Variants in ABCA1 observed in about 807,000 individuals in gnomAD.
ABCA1 encodes the protein ATP binding cassette subfamily A member 1.
A neutral mutation model predicts 262.5 loss-of-function variants in ABCA1; 133 were observed. That is an observed-to-expected ratio of 0.51 (90% CI 0.44 to 0.59). ABCA1 has a LOEUF of 0.59. Among genes scored for constraint, ABCA1 ranks in the 20% least tolerant of loss-of-function variants. The pLI is 0.00. For synonymous variants in ABCA1, 1,022 were observed against 1,043.5 expected (o/e 0.98, Z 0.40); for missense variants, 2,452 against 2,777.5 (o/e 0.88, Z 2.63).
chr9:104,805,586 C>G (rs1280772056), intron 31 of ABCA1, among the ~76,000 whole-genome samples: 1 of 152,164 alleles, frequency 6.6e-6, no homozygotes, highest in African/African-American at 2.4e-5. Flanking sequence ...TTGACAAGAT[C>G]CACAGGAGTT....
chr9:104,856,127 T>A (rs1410043504), intron 7 of ABCA1: 2 of 1,552,346 alleles, frequency 1.3e-6, no homozygotes, highest in Non-Finnish European at 1.7e-6. Flanking sequence ...CAAGCAGCAA[T>A]AGAAAAAGGC....
intron 1 of ABCA1, among the ~76,000 whole-genome samples, chr9:104,912,475 A>G (rs1841557807): frequency 6.6e-6 from 1 of 152,228 alleles, no homozygotes; most frequent in Non-Finnish European, 1.5e-5. Flanking sequence ...TACTTGGACA[A>G]CCAAAGATCC....
intron 25 of ABCA1, among the ~76,000 whole-genome samples, 167 bp from the exon 26 acceptor site, chr9:104,814,642 G>A (rs193125748): frequency 1.3e-5 from 2 of 152,308 alleles, no homozygotes; most frequent in Admixed American, 6.5e-5. Flanking sequence ...GAGAGAAGCC[G>A]TTTTTGCCAG....
At chr9:104,917,076 G>A (rs935719084) in intron 1 of ABCA1, among the ~76,000 whole-genome samples, 19 of 152,142 alleles carry the variant, frequency 1.2e-4, no homozygotes, top group Non-Finnish European at 1.5e-5. Context: ...TGAGAGAACA[G>A]GGGAAGCATT....
intron 8 of ABCA1, among the ~76,000 whole-genome samples, chr9:104,841,754 G>GA (rs1484500446): frequency 6.6e-6 from 1 of 152,218 alleles, no homozygotes; most frequent in Non-Finnish European, 1.5e-5. Context: ...GCGTGAGTCA[G>GA]AAACCCTAGG....
intron 36 of ABCA1, 40 bp downstream of exon 36, chr9:104,799,779 C>T: frequency 6.2e-7 from 1 of 1,614,116 alleles, no homozygotes; most frequent in Non-Finnish European, 8.5e-7. Context: ...TAACCCTCTC[C>T]CTTGCCCCAC....
intron 1 of ABCA1, among the ~76,000 whole-genome samples, chr9:104,919,412 C>A (rs12000590): frequency 0.049 from 7,494 of 152,148 alleles, 247 homozygotes; most frequent in African/African-American, 0.098. Flanking sequence ...GAGTTAAAGA[C>A]CAGCCTAGCC....
intron 1 of ABCA1, among the ~76,000 whole-genome samples, chr9:104,915,371 C>G (rs1841779712): frequency 6.6e-6 from 1 of 152,166 alleles, no homozygotes; most frequent in Admixed American, 6.5e-5. Context: ...AAGTCTTGCC[C>G]TCCAAAACTT....
At chr9:104,921,311 A>AC (rs1842129166) in intron 1 of ABCA1, among the ~76,000 whole-genome samples, 1 of 151,990 alleles carries the variant, frequency 6.6e-6, no homozygotes, top group African/African-American at 2.4e-5. Flanking sequence ...TTAAACAAAC[A>AC]CCCCCCAAGA....
chr9:104,896,972 C>T (rs1329313910), intron 2 of ABCA1, among the ~76,000 whole-genome samples: 1 of 151,596 alleles, frequency 6.6e-6, no homozygotes, highest in Admixed American at 6.6e-5. Flanking sequence ...TCAAGCAATC[C>T]CCCCACCTCA....
At chr9:104,836,049 C>A (rs1385698683) in intron 11 of ABCA1, among the ~76,000 whole-genome samples, 1 of 152,188 alleles carries the variant, frequency 6.6e-6, no homozygotes, top group African/African-American at 2.4e-5. Context: ...AGAGAAGAGA[C>A]CCCACTTTAA....
intron 5 of ABCA1, among the ~76,000 whole-genome samples, chr9:104,880,411 G>A (rs759977725): frequency 3.3e-5 from 5 of 151,846 alleles, no homozygotes; most frequent in Non-Finnish European, 5.9e-5. Flanking sequence ...AAGGCAGGAG[G>A]ATCACTTGAG....
At chr9:104,798,936 T>C (rs1447073489) in intron 36 of ABCA1, among the ~76,000 whole-genome samples, 1 of 152,138 alleles carries the variant, frequency 6.6e-6, no homozygotes, top group African/African-American at 2.4e-5. Flanking sequence ...AGTTGTAAAT[T>C]TTCACACACA....
At position 104,830,943 on chromosome 9, in the gene ABCA1, G is replaced by T; in HGVS notation, c.1874C>A (p.Pro625His). ...AACTTACATGTCATCAACGTAACAG[G>T]GATAGGGCATCTGTTGCATATAGAC... ...TGVYMQQMPYPCYVDDIFLRV... is the reference protein window; with the variant it reads ...TGVYMQQMPYHCYVDDIFLRV... Residue 625 changes from proline to histidine, a missense_variant, in exon 14 of 50, where the codon CCC becomes CAC. Coordinates refer to ENST00000374736, the MANE Select transcript of ABCA1 (RefSeq NM_005502.4). The T allele has an allele frequency of 6.2e-7, 1 of 1,613,472 alleles. No homozygotes were observed. Among genetic ancestry groups the T allele is most frequent in the Non-Finnish European group, 8.5e-7 (1 of 1,179,914 alleles).
chr9:104,916,296 C>T (rs1271446186), intron 1 of ABCA1, among the ~76,000 whole-genome samples: 1 of 152,122 alleles, frequency 6.6e-6, no homozygotes, highest in Non-Finnish European at 1.5e-5. Flanking sequence ...AAGAAACAGC[C>T]TTTAGGAAAC....
chr9:104,840,555 G>A lies in ABCA1; in HGVS notation c.814-36C>T, dbSNP rs754601150. The A allele has an allele frequency of 3.1e-6, 5 of 1,601,142 alleles. No homozygotes were observed. The Admixed American group carries it at 5.1e-5, about 16-fold the overall frequency. ...GGATGGGGACAGAAAGGAGGGTAGG[G>A]GAAGGGAGAAAAGGGCAGTGCAAGG... On this transcript the variant is annotated intron_variant, in intron 8 of 49. Coordinates refer to ENST00000374736, the MANE Select transcript of ABCA1 (RefSeq NM_005502.4).
At chr9:104,812,170 A>G (rs1471095125) in intron 28 of ABCA1, among the ~76,000 whole-genome samples, 1 of 152,204 alleles carries the variant, frequency 6.6e-6, no homozygotes, top group Non-Finnish European at 1.5e-5. Context: ...GCATCTGGGC[A>G]TAACAACTCT....
At chr9:104,913,801 C>G (rs1044716257) in intron 1 of ABCA1, among the ~76,000 whole-genome samples, 8 of 152,006 alleles carry the variant, frequency 5.3e-5, no homozygotes, top group Non-Finnish European at 1.2e-4. Flanking sequence ...ATTTATTTAT[C>G]TATTTATTTA....
chr9:104,827,666 G>C (rs10820736), intron 15 of ABCA1, among the ~76,000 whole-genome samples: 9,036 of 152,234 alleles, frequency 0.059, 472 homozygotes, highest in East Asian at 0.28. Flanking sequence ...CGGCTGATGG[G>C]TACATGTCTG....
Sources: allele counts gnomAD v4.1 joint callset (sites outside exome capture counted in the v4.1 genomes callset), GRCh38; gene constraint gnomAD v4.1.1; transcripts MANE v1.5; gene names NCBI Gene and HGNC (gene_info 2026-07-23, HGNC 2026-07-21).